The following KCNMB2 variants were observed in gnomAD, a reference collection of about 807,000 sequenced individuals.
KCNMB2 encodes calcium-activated potassium channel subunit beta-2.
In KCNMB2, 9 loss-of-function variants were observed where a neutral mutation model predicts 24.5. That is an observed-to-expected ratio of 0.37 (90% CI 0.22 to 0.64). The LOEUF (loss-of-function observed/expected upper bound fraction) is 0.64, where lower values mean the gene tolerates loss of function less well. Ranked by LOEUF, KCNMB2 falls within the 30% of genes least tolerant of loss-of-function variation. KCNMB2 has a pLI of 0.63. For synonymous variants in KCNMB2, 109 were observed against 104.4 expected (o/e 1.04, Z -0.27); for missense variants, 226 against 284.3 (o/e 0.79, Z 1.47).
chr3:178,764,480 T>C (rs1485590816), intron 1 of KCNMB2, among the ~76,000 whole-genome samples: 1 of 152,224 alleles, frequency 6.6e-6, no homozygotes, highest in East Asian at 1.9e-4. Context: ...AACTTCAGAT[T>C]TGTAGCCTAG....
chr3:178,572,306 C>T (rs751106137), intron 1 of KCNMB2, among the ~76,000 whole-genome samples: 52 of 152,304 alleles, frequency 3.4e-4, no homozygotes, highest in Admixed American at 9.8e-4. Context: ...ACATAGAATG[C>T]ATGACTACCT....
At chr3:178,835,981 A>C (rs1715214983) in intron 4 of KCNMB2, among the ~76,000 whole-genome samples, 1 of 152,170 alleles carries the variant, frequency 6.6e-6, no homozygotes, top group Admixed American at 6.5e-5. Context: ...ATTTTATCAA[A>C]TTTCTAACCC....
At chr3:178,637,474 A>T (rs112207682) in intron 1 of KCNMB2, among the ~76,000 whole-genome samples, 1 of 152,186 alleles carries the variant, frequency 6.6e-6, no homozygotes, top group African/African-American at 2.4e-5. Flanking sequence ...ACTGGAAGGG[A>T]GTGGTGAGAA....
chr3:178,562,346 G>A (rs1158829660), intron 1 of KCNMB2, among the ~76,000 whole-genome samples: 1 of 152,190 alleles, frequency 6.6e-6, no homozygotes, highest in Non-Finnish European at 1.5e-5. Context: ...GGCACAGCTG[G>A]GCCAAGACTG....
intron 1 of KCNMB2, among the ~76,000 whole-genome samples, chr3:178,720,906 G>A (rs1256632368): frequency 3.9e-5 from 6 of 151,942 alleles, no homozygotes; most frequent in African/African-American, 9.7e-5. Flanking sequence ...AGTAGGTTGC[G>A]AAAATTTTCT....
intron 1 of KCNMB2, among the ~76,000 whole-genome samples, chr3:178,680,877 T>A (rs567590477): frequency 6.6e-6 from 1 of 152,296 alleles, no homozygotes. Context: ...CCTAAACAGA[T>A]GCCCCTGAAG....
chr3:178,615,869 T>C (rs1429627826), intron 1 of KCNMB2, among the ~76,000 whole-genome samples: 1 of 152,160 alleles, frequency 6.6e-6, no homozygotes, highest in Non-Finnish European at 1.5e-5. Flanking sequence ...GCCCAAGGCT[T>C]CTTCAGTTGG....
At chr3:178,662,378 A>C (rs990216415) in intron 1 of KCNMB2, among the ~76,000 whole-genome samples, 1 of 152,196 alleles carries the variant, frequency 6.6e-6, no homozygotes, top group Admixed American at 6.5e-5. Flanking sequence ...AAGTTTTGAA[A>C]AACGATTTGA....
chr3:178,701,582 A>C (rs1392029364), intron 1 of KCNMB2, among the ~76,000 whole-genome samples: 4 of 151,820 alleles, frequency 2.6e-5, no homozygotes, highest in African/African-American at 4.9e-5. Context: ...AAAAAAACAA[A>C]CAACCCCATC....
At chr3:178,568,000 A>G (rs974035737) in intron 1 of KCNMB2, among the ~76,000 whole-genome samples, 5 of 152,200 alleles carry the variant, frequency 3.3e-5, no homozygotes, top group African/African-American at 9.7e-5. Flanking sequence ...AGGTAACTAC[A>G]TTATTATTAA....
intron 1 of KCNMB2, among the ~76,000 whole-genome samples, chr3:178,646,918 A>G (rs967629010): frequency 2.0e-5 from 3 of 152,252 alleles, no homozygotes; most frequent in African/African-American, 7.2e-5. Context: ...GATCTCTTGA[A>G]TCAACTTCTC....
intron 1 of KCNMB2, among the ~76,000 whole-genome samples, chr3:178,758,165 GAT>G (rs375000460): frequency 1.6e-3 from 6 of 3,780 alleles, no homozygotes; most frequent in Non-Finnish European, 2.4e-3. Flanking sequence ...TATCCAAGAG[GAT>G]ATATATATAT....
At chr3:178,556,030 T>C (rs1339176561) in intron 1 of KCNMB2, among the ~76,000 whole-genome samples, 1 of 152,076 alleles carries the variant, frequency 6.6e-6, no homozygotes, top group Non-Finnish European at 1.5e-5. Context: ...TTGGGATGCA[T>C]AGGATATGGA....
At chr3:178,807,925 A>G (rs1005771840) in intron 2 of KCNMB2, among the ~76,000 whole-genome samples, 11 of 151,452 alleles carry the variant, frequency 7.3e-5, no homozygotes, top group African/African-American at 2.4e-4. Flanking sequence ...AATATAATAT[A>G]ATTAATAAAA....
At chr3:178,714,963 CTA>C (rs1722572076) in intron 1 of KCNMB2, among the ~76,000 whole-genome samples, 1 of 152,134 alleles carries the variant, frequency 6.6e-6, no homozygotes, top group Non-Finnish European at 1.5e-5. Flanking sequence ...ATATGAAATT[CTA>C]TATGTCTGCC....
chr3:178,805,179 A>C (rs1260842526), intron 1 of KCNMB2, among the ~76,000 whole-genome samples: 2 of 152,204 alleles, frequency 1.3e-5, no homozygotes, highest in African/African-American at 4.8e-5. Flanking sequence ...CTGGTTACTA[A>C]ACTCTCAGCC....
chr3:178,624,579 A>AT (rs1283536130), intron 1 of KCNMB2, among the ~76,000 whole-genome samples: 5 of 117,634 alleles, frequency 4.3e-5, no homozygotes, highest in Non-Finnish European at 1.7e-5. Context: ...GTAGCTTTCT[A>AT]TTTTTTCTTT....
intron 1 of KCNMB2, among the ~76,000 whole-genome samples, chr3:178,589,390 T>C (rs1488606974): frequency 1.3e-5 from 2 of 152,166 alleles, no homozygotes; most frequent in African/African-American, 4.8e-5. Flanking sequence ...CCAATTATGG[T>C]GTCTCAGAAA....
intron 1 of KCNMB2, among the ~76,000 whole-genome samples, chr3:178,758,767 GGATATATATATATATATAT>G (rs1560007843): frequency 0.24 from 29 of 122 alleles, no homozygotes; most frequent in East Asian, 0.33. Context: ...TCTCCAAGAG[GGATATATATATATATATAT>G]ATATATATAT....
Sources: allele counts gnomAD v4.1 joint callset (sites outside exome capture counted in the v4.1 genomes callset), GRCh38; gene constraint gnomAD v4.1.1; transcripts MANE v1.5; gene names NCBI Gene and HGNC (gene_info 2026-07-23, HGNC 2026-07-21).